The following SCAPER variants were observed in gnomAD, a reference collection of about 807,000 sequenced individuals.
SCAPER encodes the protein S-phase cyclin A associated protein in the ER, also known as S phase cyclin A-associated protein in the endoplasmic reticulum.
SCAPER carries 98 observed loss-of-function variants against 182.2 expected under a neutral mutation model. That is an observed-to-expected ratio of 0.54 (90% CI 0.46 to 0.64). The LOEUF (loss-of-function observed/expected upper bound fraction) is 0.64, where lower values mean the gene tolerates loss of function less well. Ranked by LOEUF, SCAPER falls within the 30% of genes least tolerant of loss-of-function variation. The probability of loss-of-function intolerance (pLI) is 0.00; values close to 1 mark genes in which losing one functional copy is unlikely to be tolerated. For synonymous variants in SCAPER, 605 were observed against 564.6 expected (o/e 1.07, Z -1.01); for missense variants, 1,432 against 1,690.0 (o/e 0.85, Z 2.68).
chr15:76,687,238 TA>T (rs1380161521), intron 20 of SCAPER, among the ~76,000 whole-genome samples: 2 of 152,224 alleles, frequency 1.3e-5, no homozygotes, highest in African/African-American at 2.4e-5. Flanking sequence ...ATTTACATGA[TA>T]ATTAAGACAT....
intron 25 of SCAPER, among the ~76,000 whole-genome samples, chr15:76,460,909 A>G (rs1177270814): frequency 6.6e-6 from 1 of 152,156 alleles, no homozygotes; most frequent in Non-Finnish European, 1.5e-5. Context: ...TACCAAAACC[A>G]GAAAATTAAC....
chr15:76,510,287 A>T (rs1250710644), intron 23 of SCAPER, among the ~76,000 whole-genome samples: 12 of 152,204 alleles, frequency 7.9e-5, no homozygotes, highest in Non-Finnish European at 4.4e-5. Context: ...GAATAAACAG[A>T]CAACTCACAG....
At chr15:76,402,197 C>T (rs1372013615) in intron 27 of SCAPER, among the ~76,000 whole-genome samples, 1 of 152,124 alleles carries the variant, frequency 6.6e-6, no homozygotes, top group African/African-American at 2.4e-5. Flanking sequence ...CCTGTGAGAA[C>T]TGTACAGAAT....
At chr15:76,901,866 T>A (rs966461651) in intron 1 of SCAPER, among the ~76,000 whole-genome samples, 2 of 152,142 alleles carry the variant, frequency 1.3e-5, no homozygotes, top group Non-Finnish European at 2.9e-5. Context: ...ACTACAAGCA[T>A]GAGCCACCAC....
At chr15:76,575,761 C>A (rs914798255) in intron 22 of SCAPER, among the ~76,000 whole-genome samples, 18 of 152,190 alleles carry the variant, frequency 1.2e-4, no homozygotes, top group African/African-American at 3.9e-4. Context: ...TCAAAGCACT[C>A]ATCATAAGAG....
At chr15:76,407,259 A>G (rs1038004493) in intron 26 of SCAPER, among the ~76,000 whole-genome samples, 1 of 152,220 alleles carries the variant, frequency 6.6e-6, no homozygotes, top group African/African-American at 2.4e-5. Flanking sequence ...ACAGTATGTT[A>G]CTGCAGGGAA....
intron 21 of SCAPER, among the ~76,000 whole-genome samples, chr15:76,635,409 G>C (rs1228582779): frequency 6.6e-6 from 1 of 152,226 alleles, no homozygotes; most frequent in East Asian, 1.9e-4. Flanking sequence ...ATTCAACATA[G>C]ACAGTGGCCC....
At chr15:76,618,520 T>C (rs993477920) in intron 22 of SCAPER, among the ~76,000 whole-genome samples, 3 of 152,238 alleles carry the variant, frequency 2.0e-5, no homozygotes. Context: ...TACTGTCCTG[T>C]GTCTTTTATC....
intron 5 of SCAPER, among the ~76,000 whole-genome samples, chr15:76,825,792 T>A (rs2067960351): frequency 6.6e-6 from 1 of 152,218 alleles, no homozygotes. Context: ...TTGCCCAGGC[T>A]GGAGTACAGT....
chr15:76,420,692 A>C (rs2045969531), intron 26 of SCAPER, among the ~76,000 whole-genome samples: 1 of 152,176 alleles, frequency 6.6e-6, no homozygotes, highest in Non-Finnish European at 1.5e-5. Flanking sequence ...ACATATGTAT[A>C]CATGCGCCAT....
At chr15:76,660,167 A>G (rs1048040754) in intron 21 of SCAPER, among the ~76,000 whole-genome samples, 13 of 152,328 alleles carry the variant, frequency 8.5e-5, no homozygotes, top group Admixed American at 2.6e-4. Context: ...ACATGTTCTC[A>G]TAAGTGGGAG....
At chr15:76,388,082 C>T (rs977175522) in intron 27 of SCAPER, among the ~76,000 whole-genome samples, 3 of 152,160 alleles carry the variant, frequency 2.0e-5, no homozygotes, top group African/African-American at 7.2e-5. Context: ...GGGTGCAGCG[C>T]TAATTCAGCA....
chr15:76,774,265 CA>C (rs1392773450), intron 9 of SCAPER: 584 of 223,480 alleles, frequency 2.6e-3, no homozygotes, highest in South Asian at 6.5e-3. Flanking sequence ...GGACAATGTA[CA>C]AAAAAAAAAC....
At chr15:76,663,282 C>T (rs1037926756) in intron 21 of SCAPER, among the ~76,000 whole-genome samples, 1 of 151,988 alleles carries the variant, frequency 6.6e-6, no homozygotes, top group African/African-American at 2.4e-5. Flanking sequence ...ACTAGTAATA[C>T]CAAATATTGG....
chr15:76,376,105 T>C (rs1056183494), intron 29 of SCAPER, 57 bp downstream of exon 29: 5 of 1,595,546 alleles, frequency 3.1e-6, no homozygotes, highest in African/African-American at 2.7e-5. Flanking sequence ...CTCATTCCAA[T>C]ACCTCACACT....
rs567614790 is a variant in SCAPER, at chr15:76,608,327, C to T, written c.2711+13437G>A. Among the ~76,000 whole-genome samples the T allele has an allele frequency of 4.5e-4, 68 of 152,316 alleles. 2 individuals are homozygous for T. The highest frequency in any genetic ancestry group is 2.7e-3 in the South Asian group (13 of 4,824). ...GGTATCAGCAGCGGTGGCTGCAGAA[C>T]AGCGGATTTTGGTGAACCGCAAATG... On this transcript the variant is annotated intron_variant, in intron 22 of 31. Coordinates refer to ENST00000563290, the MANE Select transcript of SCAPER (RefSeq NM_020843.4).
chr15:76,784,443 G>C (rs1032222664), intron 8 of SCAPER, among the ~76,000 whole-genome samples: 1 of 152,176 alleles, frequency 6.6e-6, no homozygotes, highest in Non-Finnish European at 1.5e-5. Context: ...TCAATATTGT[G>C]AAAATGGCCA....
At chr15:76,711,580 T>A (rs898984281) in intron 17 of SCAPER, among the ~76,000 whole-genome samples, 1 of 152,200 alleles carries the variant, frequency 6.6e-6, no homozygotes. Context: ...CTGATGGCTA[T>A]GTAAAATGAA....
At chr15:76,752,962 T>C (rs2062185444) in intron 15 of SCAPER, among the ~76,000 whole-genome samples, 1 of 151,764 alleles carries the variant, frequency 6.6e-6, no homozygotes. Context: ...TTAAAATGTG[T>C]AACTGTGTCA....
Sources: allele counts gnomAD v4.1 joint callset (sites outside exome capture counted in the v4.1 genomes callset), GRCh38; gene constraint gnomAD v4.1.1; transcripts MANE v1.5; gene names NCBI Gene and HGNC (gene_info 2026-07-23, HGNC 2026-07-21).